The following GJC3 variants were observed in gnomAD, a reference collection of about 807,000 sequenced individuals.
GJC3 encodes gap junction protein gamma 3.
In GJC3, 17 loss-of-function variants were observed where a neutral mutation model predicts 19.8. The ratio of observed to expected loss-of-function variants is 0.86; its 90% confidence interval spans 0.59 to 1.29. The LOEUF is 1.29. Among genes scored for constraint, GJC3 ranks in the 50% most tolerant of loss-of-function variants. GJC3 has a pLI of 0.00. For synonymous variants in GJC3, 140 were observed against 136.5 expected (o/e 1.03, Z -0.18); for missense variants, 317 against 332.5 (o/e 0.95, Z 0.36).
chr7:99,929,646 A>G (rs771436884), upstream of GJC3: 13 of 1,582,662 alleles, frequency 8.2e-6, no homozygotes, highest in Admixed American at 3.5e-5. Flanking sequence ...AGGACAAGAG[A>G]TCAGTGTTGT....
At chr7:99,924,059 G>T (rs1042809728) in intron 1 of GJC3, among the ~76,000 whole-genome samples, 1 of 152,180 alleles carries the variant, frequency 6.6e-6, no homozygotes, top group Non-Finnish European at 1.5e-5. Flanking sequence ...AAGTCTCAGA[G>T]AAGTAATAGA....
upstream of GJC3, among the ~76,000 whole-genome samples, chr7:99,930,300 G>T (rs1166698850): frequency 6.6e-6 from 1 of 152,164 alleles, no homozygotes; most frequent in Non-Finnish European, 1.5e-5. Context: ...AGCTGAGGAA[G>T]AAGAGAACAT....
At chr7:99,923,766 C>G (rs947554412) in intron 1 of GJC3, among the ~76,000 whole-genome samples, 163 bp from the exon 2 acceptor site, 2 of 152,190 alleles carry the variant, frequency 1.3e-5, no homozygotes, top group African/African-American at 4.8e-5. Context: ...GACATTGGAA[C>G]CACAACCCTC....
intron 1 of GJC3, among the ~76,000 whole-genome samples, chr7:99,927,589 T>C (rs1238890709): frequency 2.0e-5 from 3 of 151,958 alleles, no homozygotes. Flanking sequence ...CTGCCTTTGT[T>C]GAGAATTTCA....
chr7:99,930,614 T>C (rs1819881817), upstream of GJC3, among the ~76,000 whole-genome samples: 1 of 152,210 alleles, frequency 6.6e-6, no homozygotes, highest in South Asian at 2.1e-4. Context: ...GCCTAAATTC[T>C]CACTCATCTG....
chr7:99,929,969 G>A (rs1335473320), upstream of GJC3, among the ~76,000 whole-genome samples: 2 of 152,150 alleles, frequency 1.3e-5, no homozygotes, highest in African/African-American at 4.8e-5. Flanking sequence ...AAGGCTGAAC[G>A]TAAGAGAGTA....
upstream of GJC3, chr7:99,929,805 T>C: frequency 1.6e-6 from 1 of 632,164 alleles, no homozygotes; most frequent in Non-Finnish European, 2.8e-6. Context: ...TGAAATCATC[T>C]ATGTAAAATA....
upstream of GJC3, among the ~76,000 whole-genome samples, chr7:99,930,455 C>T (rs761973459): frequency 6.6e-6 from 1 of 152,160 alleles, no homozygotes. Context: ...TGGTGACAGG[C>T]GACCATGATC....
intron 1 of GJC3, among the ~76,000 whole-genome samples, chr7:99,927,575 A>C (rs866126256): frequency 1.3e-5 from 2 of 152,162 alleles, no homozygotes; most frequent in Non-Finnish European, 2.9e-5. Flanking sequence ...AAAAAAATAG[A>C]TAACTGCCTT....
intron 1 of GJC3, among the ~76,000 whole-genome samples, chr7:99,926,797 T>C (rs35609229): frequency 0.12 from 18,364 of 152,208 alleles, 1,528 homozygotes; most frequent in Non-Finnish European, 0.18. Flanking sequence ...TATACTTTTG[T>C]CACTGGTAGA....
intron 1 of GJC3, among the ~76,000 whole-genome samples, chr7:99,928,248 A>G (rs185259262): frequency 2.0e-5 from 3 of 152,360 alleles, no homozygotes; most frequent in African/African-American, 7.2e-5. Flanking sequence ...TGAGCAGGAC[A>G]GGGGAGAGAC....
intron 1 of GJC3, among the ~76,000 whole-genome samples, chr7:99,927,810 G>T (rs1423467765): frequency 6.6e-6 from 1 of 152,122 alleles, no homozygotes; most frequent in Admixed American, 6.5e-5. Context: ...TTTCTGTGTG[G>T]TATTGAGGGT....
At chr7:99,924,104 C>T (rs1039037466) in intron 1 of GJC3, among the ~76,000 whole-genome samples, 35 of 152,290 alleles carry the variant, frequency 2.3e-4, no homozygotes, top group Admixed American at 1.3e-4. Flanking sequence ...AATTTTAGAA[C>T]GGGAAAATAC....
Position 99,925,132 on chromosome 7 carries a change from A to G in GJC3, c.782-1529T>C, listed in dbSNP as rs148931273. Among the ~76,000 whole-genome samples, 1,155 of 152,320 alleles carry G rather than the reference A, an allele frequency of 7.6e-3. 15 individuals are homozygous for G. The highest frequency in any genetic ancestry group is 0.025 in the African/African-American group (1,057 of 41,572). ...TTACAGTCAAAAATAATTGTACATT[A>G]TAAAATAACTAGTATAATTGGATTA... On this transcript the variant is annotated intron_variant, in intron 1 of 1. Coordinates refer to ENST00000312891, the MANE Select transcript of GJC3 (RefSeq NM_181538.3).
chr7:99,928,725 T>A, intron 1 of GJC3, 115 bp downstream of exon 1: 2 of 957,408 alleles, frequency 2.1e-6, no homozygotes, highest in South Asian at 2.7e-5. Flanking sequence ...AGAACCTGGT[T>A]ACCTACTTTG....
chr7:99,929,679 C>G (rs1161870694), upstream of GJC3: 1 of 1,500,480 alleles, frequency 6.7e-7, no homozygotes, highest in Non-Finnish European at 9.0e-7. Context: ...AGAGGGAGCT[C>G]CAGTCCACCT....
Position 99,929,198 on chromosome 7 carries a change from C to G in GJC3, c.423G>C (p.Leu141=), listed in dbSNP as rs751781731. ...CCCCCTCCAGGACAAGCCGAGCCCC[C>G]AGCTGAGCCACATAAGCCCAGAGCA... The part of the protein sequence containing the change: ...LRLLWAYVAQ[L]GARLVLEGAA... Residue 141 remains leucine, a synonymous_variant, in exon 1 of 2, where the codon CTG becomes CTC. Transcript: ENST00000312891. The G allele has an allele frequency of 6.2e-7, 1 of 1,614,094 alleles. No individual in the cohort carries two copies. Among genetic ancestry groups the G allele is most frequent in the Admixed American group, 1.7e-5 (1 of 60,022 alleles).
upstream of GJC3, among the ~76,000 whole-genome samples, chr7:99,930,241 C>T (rs1562787087): frequency 1.3e-5 from 2 of 152,146 alleles, no homozygotes; most frequent in Non-Finnish European, 1.5e-5. Flanking sequence ...ATGAAATGAA[C>T]AGAGCAAGCA....
rs1302677513 is a variant in GJC3, at chr7:99,923,533, T to A, written c.*12A>T. 1.3e-6 allele frequency: 1 copy of A among 780,602 alleles called. No individual in the cohort carries two copies. The highest frequency in any genetic ancestry group is 1.7e-5 in the Admixed American group (1 of 59,036). The allele number at this position is 780,602 out of a possible 1,614,324, so 48.4% of individuals were successfully genotyped here. A position where few individuals can be genotyped will look rare whatever the true frequency, so the allele number is the denominator to read the frequency against. On this transcript the variant is annotated 3_prime_UTR_variant, in exon 2 of 2. Transcript: ENST00000312891. ...TGGTGATGAGGAAAGTTGGCCAAAG[T>A]TCATCTCCAACTCAGGCATCTCTGG...
Sources: allele counts gnomAD v4.1 joint callset (sites outside exome capture counted in the v4.1 genomes callset), GRCh38; gene constraint gnomAD v4.1.1; transcripts MANE v1.5; gene names NCBI Gene and HGNC (gene_info 2026-07-23, HGNC 2026-07-21).